The following DNAJC5B variants were observed in gnomAD, a reference collection of about 807,000 sequenced individuals.
DNAJC5B encodes dnaJ homolog subfamily C member 5B.
In DNAJC5B, 23 loss-of-function variants were observed where a neutral mutation model predicts 24.7. That is an observed-to-expected ratio of 0.93 (90% CI 0.67 to 1.32). DNAJC5B has a LOEUF of 1.32. Among genes scored for constraint, DNAJC5B ranks in the 40% most tolerant of loss-of-function variants. The pLI is 0.00. For synonymous variants in DNAJC5B, 101 were observed against 90.1 expected, an observed-to-expected ratio of 1.12 and a Z score of -0.68; for missense variants, 238 against 240.8, an observed-to-expected ratio of 0.99 and a Z score of 0.08.
chr8:66,050,882 A>T (rs1586081492), intron 2 of DNAJC5B, among the ~76,000 whole-genome samples: 1 of 152,182 alleles, frequency 6.6e-6, no homozygotes, highest in African/African-American at 2.4e-5. Context: ...TGATGTTTTG[A>T]CTTATGTGTA....
chr8:66,049,094 G>C (rs888401748), intron 2 of DNAJC5B, among the ~76,000 whole-genome samples: 38 of 152,118 alleles, frequency 2.5e-4, no homozygotes, highest in African/African-American at 7.5e-4. Context: ...CACACTTTAG[G>C]CTTCTGAATA....
intron 5 of DNAJC5B, among the ~76,000 whole-genome samples, chr8:66,086,082 G>C (rs1056139938): frequency 6.6e-6 from 1 of 152,044 alleles, no homozygotes; most frequent in Non-Finnish European, 1.5e-5. Flanking sequence ...TTTTAATTTT[G>C]CTTGCAGTTG....
chr8:66,030,413 C>T (rs913981040), intron 1 of DNAJC5B, among the ~76,000 whole-genome samples: 1 of 152,306 alleles, frequency 6.6e-6, no homozygotes, highest in African/African-American at 2.4e-5. Context: ...ACTAAACATA[C>T]CATTTCTTCT....
At chr8:66,096,850 A>G (rs2128967373) in intron 5 of DNAJC5B, among the ~76,000 whole-genome samples, 1 of 152,268 alleles carries the variant, frequency 6.6e-6, no homozygotes, top group South Asian at 2.1e-4. Context: ...TCTTCAATAT[A>G]ATGTACTTTG....
intron 3 of DNAJC5B, among the ~76,000 whole-genome samples, chr8:66,052,160 G>C (rs933070919): frequency 3.0e-4 from 44 of 145,608 alleles, no homozygotes; most frequent in African/African-American, 1.1e-3. Context: ...GTTTCACCAT[G>C]TTGGCCAGGC....
chr8:66,031,719 A>G (rs1806364546), intron 1 of DNAJC5B, among the ~76,000 whole-genome samples: 1 of 152,160 alleles, frequency 6.6e-6, no homozygotes, highest in South Asian at 2.1e-4. Context: ...CAGGAGGGTC[A>G]ATCTTTTTCT....
chr8:66,021,721 A>T lies in DNAJC5B; in HGVS notation c.-142+16A>T, dbSNP rs1806127342. On this transcript the variant is annotated intron_variant, in intron 1 of 5. Coordinates refer to ENST00000276570, the MANE Select transcript of DNAJC5B (RefSeq NM_033105.6). ...AGATCTCAAGGTGAGTGTGTCTCCA[A>T]GCTTAAGAAGAATAGTATAAGCACA... 6.6e-6 allele frequency: 1 copy of T among 152,388 alleles called. No individual in the cohort carries two copies. The highest frequency in any genetic ancestry group is 2.1e-4 in the South Asian group (1 of 4,834). The allele number at this position is 152,388 out of a possible 1,614,324, so 9.4% of individuals were successfully genotyped here. A position where few individuals can be genotyped will look rare whatever the true frequency, so the allele number is the denominator to read the frequency against.
At chr8:66,055,772 T>A (rs1806948936) in intron 3 of DNAJC5B, among the ~76,000 whole-genome samples, 1 of 151,974 alleles carries the variant, frequency 6.6e-6, no homozygotes, top group South Asian at 2.1e-4. Context: ...GGAAACCCCA[T>A]CTCTACTAAA....
chr8:66,058,963 G>A (rs1250046755), intron 3 of DNAJC5B, among the ~76,000 whole-genome samples: 1 of 152,156 alleles, frequency 6.6e-6, no homozygotes, highest in East Asian at 1.9e-4. Flanking sequence ...AGGTACTACT[G>A]TGGATGAAAA....
Position 66,048,334 on chromosome 8 carries a change from A to G in DNAJC5B, c.-17-3197A>G, listed in dbSNP as rs541187950. 2.6e-5 allele frequency among the ~76,000 whole-genome samples: 4 copies of G among 152,342 alleles called. No individual in the cohort carries two copies. In the East Asian group the frequency reaches 7.7e-4, roughly 29 times the overall value. On this transcript the variant is annotated intron_variant, in intron 2 of 5. Transcript: ENST00000276570. Reference sequence around the variant, plus strand: ...GGGGTTGGGGGAAAGGGCAGGCAGCAGTGTCAGCTTTCTGCCATGTTCTCT... The same window carrying G: ...GGGGTTGGGGGAAAGGGCAGGCAGCGGTGTCAGCTTTCTGCCATGTTCTCT...
intron 5 of DNAJC5B, 89 bp from the exon 6 acceptor site, chr8:66,099,848 T>C: frequency 8.7e-7 from 1 of 1,154,216 alleles, no homozygotes; most frequent in Non-Finnish European, 1.3e-6. Flanking sequence ...TTGCCAGTCA[T>C]GAATTCAACA....
At chr8:66,094,614 A>AT (rs1357226554) in intron 5 of DNAJC5B, among the ~76,000 whole-genome samples, 1 of 151,430 alleles carries the variant, frequency 6.6e-6, no homozygotes, top group African/African-American at 2.4e-5. Context: ...ATCTCTTATC[A>AT]TTTTTTATTT....
At chr8:66,022,661 C>T (rs1806162499) in intron 1 of DNAJC5B, among the ~76,000 whole-genome samples, 1 of 152,206 alleles carries the variant, frequency 6.6e-6, no homozygotes, top group African/African-American at 2.4e-5. Flanking sequence ...TCCAACACAT[C>T]ACGAATAAAT....
intron 3 of DNAJC5B, among the ~76,000 whole-genome samples, chr8:66,067,216 C>T (rs1205411000): frequency 6.7e-6 from 1 of 150,080 alleles, no homozygotes; most frequent in Non-Finnish European, 1.5e-5. Flanking sequence ...CCCACCCCCA[C>T]ATATTTTAAA....
intron 3 of DNAJC5B, 103 bp downstream of exon 3, chr8:66,051,769 C>G (rs1344961016): frequency 2.4e-6 from 2 of 831,582 alleles, no homozygotes; most frequent in Non-Finnish European, 3.9e-6. Context: ...GACCAGTAAT[C>G]CAAATTTTAG....
At chr8:66,063,200 C>T (rs75564628) in intron 3 of DNAJC5B, among the ~76,000 whole-genome samples, 6,509 of 152,182 alleles carry the variant, frequency 0.043, 456 homozygotes, top group African/African-American at 0.15. Context: ...TAGAAATTAT[C>T]TTCCGGTTCT....
At chr8:66,041,170 T>C (rs1428840227) in intron 1 of DNAJC5B, among the ~76,000 whole-genome samples, 1 of 152,238 alleles carries the variant, frequency 6.6e-6, no homozygotes, top group African/African-American at 2.4e-5. Context: ...GAGTTTCATA[T>C]ATTGCATACT....
chr8:66,099,271 C>T (rs759033014), intron 5 of DNAJC5B, among the ~76,000 whole-genome samples: 23 of 151,880 alleles, frequency 1.5e-4, no homozygotes, highest in Middle Eastern at 3.2e-3. Flanking sequence ...GGTCTGCCAA[C>T]TTGTGTATTC....
chr8:66,032,387 C>A (rs1046181385), intron 1 of DNAJC5B, among the ~76,000 whole-genome samples: 6 of 152,338 alleles, frequency 3.9e-5, no homozygotes, highest in Admixed American at 6.5e-5. Flanking sequence ...TTGAGATGAC[C>A]CACAGAGCAT....
Sources: allele counts gnomAD v4.1 joint callset (sites outside exome capture counted in the v4.1 genomes callset), GRCh38; gene constraint gnomAD v4.1.1; transcripts MANE v1.5; gene names NCBI Gene and HGNC (gene_info 2026-07-23, HGNC 2026-07-21).